DIS3L: variants seen among roughly 807,000 people sequenced by gnomAD.
The protein encoded by DIS3L is DIS3 like exosome 3'-5' exoribonuclease, also known as DIS3-like exonuclease 1.
DIS3L carries 100 observed loss-of-function variants against 120.3 expected under a neutral mutation model. The observed-to-expected ratio is 0.83, with a 90% CI of 0.71 to 0.98. The LOEUF (loss-of-function observed/expected upper bound fraction) is 0.98, where lower values mean the gene tolerates loss of function less well. Ranked by LOEUF, DIS3L falls within the 50% of genes least tolerant of loss-of-function variation. The pLI is 0.00. For synonymous variants in DIS3L, 426 were observed against 470.6 expected, an observed-to-expected ratio of 0.91 and a Z score of 1.23; for missense variants, 1,196 against 1,314.2, an observed-to-expected ratio of 0.91 and a Z score of 1.39.
At chr15:66,326,902 A>C (rs1313324131) in intron 12 of DIS3L, among the ~76,000 whole-genome samples, 2 of 149,384 alleles carry the variant, frequency 1.3e-5, no homozygotes, top group East Asian at 3.9e-4. Context: ...ATTTTGACCC[A>C]CTACAATTTG....
Position 66,294,352 on chromosome 15 carries a change from A to G in DIS3L, c.139+617A>G, listed in dbSNP as rs1267548453. 6.1e-6 allele frequency: 6 copies of G among 985,406 alleles called. No individual in the cohort carries two copies. In the African/African-American group the frequency reaches 7.0e-5, roughly 11 times the overall value. 61.0% of individuals were successfully genotyped at this position (985,406 alleles called of 1,614,324 possible). On this transcript the variant is annotated intron_variant, in intron 1 of 16. Coordinates refer to ENST00000319212, the MANE Select transcript of DIS3L (RefSeq NM_001143688.3). ...GGCCACAAGGGTGGCCGATAGAACG[A>G]TGCACGTTACTGGCTCTCTTCCCCC...
At position 66,332,856 on chromosome 15, in the gene DIS3L, C is replaced by T. The variant is rs2093015975; in HGVS notation, c.2802C>T (p.Thr934=). The T allele has an allele frequency of 9.3e-6, 15 of 1,613,980 alleles. No individual in the cohort carries two copies. Among genetic ancestry groups the T allele is most frequent in the Non-Finnish European group, 1.3e-5 (15 of 1,179,962 alleles). Residue 934 remains threonine (T), a synonymous_variant, in exon 16 of 17, where the codon ACC becomes ACT. Transcript: ENST00000319212. The part of the protein sequence containing the change: ...GSLQRFQNKI[T]STTTDGESVT... ...TTCAACGATTTCAAAACAAAATTAC[C>T]TCTACTACAACAGATGGGGAATCTG...
chr15:66,314,183 A>G, intron 6 of DIS3L, 66 bp downstream of exon 6: 1 of 1,293,262 alleles, frequency 7.7e-7, no homozygotes, highest in Non-Finnish European at 1.0e-6. Flanking sequence ...CAATGAAGAA[A>G]GCAAAGTTGA....
At chr15:66,316,848 G>A (rs8030869) in intron 7 of DIS3L, among the ~76,000 whole-genome samples, 39,102 of 151,978 alleles carry the variant, frequency 0.26, 5,643 homozygotes, top group South Asian at 0.33. Context: ...AGCAAGAGTT[G>A]GCTCCTGTCA....
intron 14 of DIS3L, 125 bp from the exon 15 acceptor site, chr15:66,331,750 C>A: frequency 1.8e-6 from 2 of 1,094,550 alleles, no homozygotes; most frequent in Non-Finnish European, 1.2e-6. Flanking sequence ...AATTTAATTT[C>A]ATAGTAGAGA....
chr15:66,307,272 G>T (rs1252968058), intron 3 of DIS3L, among the ~76,000 whole-genome samples: 1 of 151,966 alleles, frequency 6.6e-6, no homozygotes, highest in Non-Finnish European at 1.5e-5. Context: ...GAAGGCAGAA[G>T]AGCTCCTTTT....
intron 3 of DIS3L, among the ~76,000 whole-genome samples, chr15:66,307,587 C>T (rs1275576568): frequency 6.6e-6 from 1 of 152,202 alleles, no homozygotes; most frequent in Non-Finnish European, 1.5e-5. Context: ...TAGATGTCAG[C>T]CACTGTGCCC....
chr15:66,293,415 G>T, upstream of DIS3L: 1 of 1,153,702 alleles, frequency 8.7e-7, no homozygotes, highest in Non-Finnish European at 1.1e-6. Flanking sequence ...CTGAGGGAAG[G>T]GAAGAAACTA....
intron 4 of DIS3L, among the ~76,000 whole-genome samples, chr15:66,309,361 A>T (rs1267561187): frequency 6.6e-6 from 1 of 151,886 alleles, no homozygotes; most frequent in Non-Finnish European, 1.5e-5. Flanking sequence ...CCAGCCCAGT[A>T]AACTCCTACT....
intron 2 of DIS3L, among the ~76,000 whole-genome samples, chr15:66,303,680 A>G (rs989422729): frequency 2.6e-5 from 4 of 152,240 alleles, no homozygotes; most frequent in African/African-American, 9.6e-5. Flanking sequence ...CAAATTGCAG[A>G]TGCTTATGAA....
Position 66,322,847 on chromosome 15 carries a change from A to G in DIS3L, c.1487A>G (p.Asn496Ser), listed in dbSNP as rs2092899932. Reference sequence around the variant, plus strand: ...ACACTCTCAGTCAGAACCTTAAATAATGGCAACCTGGAACTTGGGGTCCAC... The same window carrying G: ...ACACTCTCAGTCAGAACCTTAAATAGTGGCAACCTGGAACTTGGGGTCCAC... ...DDTLSVRTLN[N>S]GNLELGVHIA... Residue 496 changes from asparagine to serine, a missense_variant, in exon 10 of 17, where the codon AAT (asparagine) becomes AGT (serine). Asn to Ser is a conservative substitution (Grantham distance 46, BLOSUM62 1). Coordinates refer to ENST00000319212, the MANE Select transcript of DIS3L (RefSeq NM_001143688.3). 6.2e-7 allele frequency: 1 copy of G among 1,614,084 alleles called. No individual in the cohort carries two copies. The highest frequency in any genetic ancestry group is 1.3e-5 in the African/African-American group (1 of 74,938).
At chr15:66,308,559 T>G in intron 3 of DIS3L, 150 bp from the exon 4 acceptor site, 1 of 1,040,540 alleles carries the variant, frequency 9.6e-7, no homozygotes, top group Non-Finnish European at 1.3e-6. Flanking sequence ...GCCCAGGGCT[T>G]CTTTATAATG....
intron 14 of DIS3L, 172 bp downstream of exon 14, chr15:66,329,571 G>A: frequency 3.8e-6 from 5 of 1,315,414 alleles, no homozygotes; most frequent in Non-Finnish European, 4.8e-6. Context: ...GTGGATTTGG[G>A]AGATTTGACG....
intron 13 of DIS3L, 38 bp from the exon 14 acceptor site, chr15:66,329,183 G>A (rs577782771): frequency 1.3e-6 from 2 of 1,587,194 alleles, no homozygotes; most frequent in African/African-American, 2.7e-5. Context: ...TTTTAAAATA[G>A]TTTTTGTTTA....
At chr15:66,298,143 C>G (rs117121227) in intron 2 of DIS3L, among the ~76,000 whole-genome samples, 1,481 of 131,208 alleles carry the variant, frequency 0.011, 58 homozygotes, top group Admixed American at 0.084. Flanking sequence ...CATGCTACAG[C>G]ACTCCAGCCT....
Position 66,326,027 on chromosome 15 carries a change from C to G in DIS3L, c.1864C>G (p.Leu622Val). Reference sequence around the variant, plus strand: ...GGATGAGAAGAGCAGACAAGCCAAGCTGGAGGAGTTGGTGTGGGCAATTGG... The same window carrying G: ...GGATGAGAAGAGCAGACAAGCCAAGGTGGAGGAGTTGGTGTGGGCAATTGG... Reference protein sequence around the residue: ...DLDEKSRQAKLEELVWAIGKL... With the variant: ...DLDEKSRQAKVEELVWAIGKL... Residue 622 changes from leucine to valine, a missense_variant, in exon 12 of 17, where the codon CTG becomes GTG. Physicochemically the swap from Leu to Val is conservative, Grantham distance 32. Coordinates refer to ENST00000319212, the MANE Select transcript of DIS3L (RefSeq NM_001143688.3). The G allele has an allele frequency of 6.2e-7, 1 of 1,614,116 alleles. No homozygotes were observed. Among genetic ancestry groups the G allele is most frequent in the South Asian group, 1.1e-5 (1 of 91,084 alleles).
intron 2 of DIS3L, among the ~76,000 whole-genome samples, chr15:66,302,881 A>G (rs1418064683): frequency 6.6e-6 from 1 of 152,252 alleles, no homozygotes; most frequent in East Asian, 1.9e-4. Context: ...GTTCAGAGGC[A>G]TTAAATACAT....
intron 9 of DIS3L, among the ~76,000 whole-genome samples, 164 bp from the exon 10 acceptor site, chr15:66,322,523 G>C (rs935395900): frequency 1.4e-4 from 21 of 152,138 alleles, no homozygotes; most frequent in Non-Finnish European, 7.4e-5. Flanking sequence ...GATATCTGAG[G>C]CACCTAGTAA....
intron 2 of DIS3L, among the ~76,000 whole-genome samples, chr15:66,299,190 A>G (rs1161366877): frequency 2.0e-5 from 3 of 152,228 alleles, no homozygotes; most frequent in Non-Finnish European, 2.9e-5. Context: ...GGAAGGCCTC[A>G]TGGCCTCAGG....
Sources: gnomAD v4.1 joint callset for allele counts (sites outside exome capture counted in the v4.1 genomes callset) on GRCh38, gnomAD v4.1.1 for gene constraint, MANE v1.5 for transcripts, NCBI Gene and HGNC (gene_info 2026-07-23, HGNC 2026-07-21) for gene names.